The following ETV6 variants were observed in gnomAD, a reference collection of about 807,000 sequenced individuals.
The protein encoded by ETV6 is transcription factor ETV6.
ETV6 carries 16 observed loss-of-function variants against 51.1 expected under a neutral mutation model. The ratio of observed to expected loss-of-function variants is 0.31; its 90% CI spans 0.21 to 0.48. The LOEUF (loss-of-function observed/expected upper bound fraction) is 0.48. Ranked by LOEUF, ETV6 falls within the 20% of genes least tolerant of loss-of-function variation. ETV6 has a pLI of 0.99. For missense variants in ETV6, 458 were observed against 594.8 expected (o/e 0.77, Z 2.39); for synonymous variants, 240 against 224.1 (o/e 1.07, Z -0.64).
intron 2 of ETV6, among the ~76,000 whole-genome samples, chr12:11,767,882 A>G (rs988237442): frequency 6.6e-6 from 1 of 152,196 alleles, no homozygotes; most frequent in Non-Finnish European, 1.5e-5. Flanking sequence ...TGTCATCTAT[A>G]GCAACTTGTT....
chr12:11,870,463 G>A (rs1442620043), intron 5 of ETV6, among the ~76,000 whole-genome samples: 1 of 152,092 alleles, frequency 6.6e-6, no homozygotes, highest in Admixed American at 6.5e-5. Flanking sequence ...GTGTTGCTGG[G>A]CCATTTGGAC....
At chr12:11,661,110 C>T (rs1864094366) in intron 1 of ETV6, among the ~76,000 whole-genome samples, 1 of 152,180 alleles carries the variant, frequency 6.6e-6, no homozygotes, top group Admixed American at 6.5e-5. Context: ...CTGCCTCAGC[C>T]TCTGGAGTAG....
At chr12:11,841,821 G>A (rs550275617) in intron 3 of ETV6, among the ~76,000 whole-genome samples, 12 of 152,280 alleles carry the variant, frequency 7.9e-5, no homozygotes, top group South Asian at 2.1e-4. Flanking sequence ...GGTGGCTCAC[G>A]CCTGTAATCC....
chr12:11,880,447 G>T (rs1947072789), intron 5 of ETV6, among the ~76,000 whole-genome samples: 1 of 152,152 alleles, frequency 6.6e-6, no homozygotes, highest in Non-Finnish European at 1.5e-5. Context: ...AACATTCTAG[G>T]TCCTAGTTTG....
chr12:11,874,544 ACACACATATATGTGTATGTGCGTGTG>A (rs756623280), intron 5 of ETV6, among the ~76,000 whole-genome samples: 1,617 of 5,654 alleles, frequency 0.29, 603 homozygotes, highest in Middle Eastern at 1. Context: ...GTGCGTGTGT[ACACACATATATGTGTATGTGCGTGTG>A]TACACATATA....
At chr12:11,875,695 T>G (rs143567293) in intron 5 of ETV6, among the ~76,000 whole-genome samples, 3,625 of 152,310 alleles carry the variant, frequency 0.024, 106 homozygotes, top group African/African-American at 0.071. Context: ...GCCTCGAGCT[T>G]CTGTTCAGTG....
intron 3 of ETV6, among the ~76,000 whole-genome samples, chr12:11,843,984 T>G (rs1946426137): frequency 1.3e-5 from 2 of 151,850 alleles, no homozygotes; most frequent in Admixed American, 1.3e-4. Flanking sequence ...AAACGTCACC[T>G]GGACAGAATA....
chr12:11,664,316 T>C lies in ETV6; in HGVS notation c.33+14156T>C, dbSNP rs185369894. 2.0e-4 allele frequency among the ~76,000 whole-genome samples: 30 copies of C among 152,290 alleles called. 1 individual carries two copies. Among genetic ancestry groups the C allele is most frequent in the Middle Eastern group, 6.8e-3 (2 of 294 alleles). On this transcript the variant is annotated intron_variant, in intron 1 of 7. Coordinates refer to ENST00000396373, the MANE Select transcript of ETV6 (RefSeq NM_001987.5). The stretch of plus-strand genomic sequence containing the variant: ...AGTTTGCTAGCCTGGCAGAGTCTTA[T>C]TGTTATTGTTTTTATTTATTTATTT...
chr12:11,744,186 G>C (rs1350264461), intron 1 of ETV6, among the ~76,000 whole-genome samples: 4 of 152,146 alleles, frequency 2.6e-5, no homozygotes, highest in African/African-American at 9.7e-5. Context: ...GCTGTCTAAT[G>C]GTGCCCTTGA....
chr12:11,711,323 G>A (rs890331665), intron 1 of ETV6, among the ~76,000 whole-genome samples: 1 of 152,192 alleles, frequency 6.6e-6, no homozygotes, highest in Non-Finnish European at 1.5e-5. Flanking sequence ...GTCTCACTCA[G>A]TTGTTTAGTA....
At chr12:11,789,109 T>C (rs928208136) in intron 2 of ETV6, among the ~76,000 whole-genome samples, 1 of 152,182 alleles carries the variant, frequency 6.6e-6, no homozygotes, top group Non-Finnish European at 1.5e-5. Flanking sequence ...CTCTGCTCAC[T>C]GCAACCTCTG....
At chr12:11,686,825 G>A (rs1277871260) in intron 1 of ETV6, among the ~76,000 whole-genome samples, 2 of 152,100 alleles carry the variant, frequency 1.3e-5, no homozygotes, top group Non-Finnish European at 2.9e-5. Context: ...GCCCTGCTAT[G>A]ACTTTCAATG....
At chr12:11,734,539 AAAAG>A (rs1476596960) in intron 1 of ETV6, among the ~76,000 whole-genome samples, 4 of 152,030 alleles carry the variant, frequency 2.6e-5, no homozygotes, top group African/African-American at 7.2e-5. Context: ...GAAAAAAAAA[AAAAG>A]AAGAAGAAGA....
At chr12:11,731,413 A>G (rs184427731) in intron 1 of ETV6, among the ~76,000 whole-genome samples, 2 of 152,350 alleles carry the variant, frequency 1.3e-5, no homozygotes, top group Admixed American at 1.3e-4. Flanking sequence ...CAGGATGCTT[A>G]TGGAGAAAAG....
intron 1 of ETV6, among the ~76,000 whole-genome samples, chr12:11,687,479 C>T (rs530692713): frequency 6.6e-6 from 1 of 152,170 alleles, no homozygotes; most frequent in East Asian, 1.9e-4. Context: ...GCACCCAGCG[C>T]CACACCCCCT....
chr12:11,738,874 G>A (rs1591641421), intron 1 of ETV6, among the ~76,000 whole-genome samples: 1 of 152,174 alleles, frequency 6.6e-6, no homozygotes, highest in East Asian at 1.9e-4. Context: ...AGTGCCCCGA[G>A]CTCTAAGAGT....
chr12:11,743,565 C>T (rs1865850593), intron 1 of ETV6, among the ~76,000 whole-genome samples: 1 of 152,140 alleles, frequency 6.6e-6, no homozygotes, highest in South Asian at 2.1e-4. Flanking sequence ...GTATCAAGTA[C>T]AGGGCATTAT....
At chr12:11,722,634 A>G (rs1159809010) in intron 1 of ETV6, among the ~76,000 whole-genome samples, 1 of 152,190 alleles carries the variant, frequency 6.6e-6, no homozygotes, top group Non-Finnish European at 1.5e-5. Flanking sequence ...CAGAAAAGCC[A>G]AACTGATTTC....
intron 1 of ETV6, among the ~76,000 whole-genome samples, chr12:11,698,651 T>C (rs1864923503): frequency 6.6e-6 from 1 of 152,214 alleles, no homozygotes; most frequent in South Asian, 2.1e-4. Flanking sequence ...TATTTCTTTA[T>C]AGGTGTGACC....
Sources: gnomAD v4.1 joint callset for allele counts (sites outside exome capture counted in the v4.1 genomes callset) on GRCh38, gnomAD v4.1.1 for gene constraint, MANE v1.5 for transcripts, NCBI Gene and HGNC (gene_info 2026-07-23, HGNC 2026-07-21) for gene names.